Variants in DLG2 observed in about 807,000 individuals in gnomAD.
The protein encoded by DLG2 is disks large homolog 2.
Under a neutral mutation model 132.5 loss-of-function variants are expected in DLG2, and 45 were observed. The ratio of observed to expected loss-of-function variants is 0.34; its 90% confidence interval spans 0.27 to 0.44. DLG2 has a LOEUF of 0.44. DLG2 is among the 20% of genes least tolerant of loss of function. The pLI is 1.00. For missense variants in DLG2, 1,045 were observed against 1,196.9 expected, an observed-to-expected ratio of 0.87 and a Z score of 1.87; for synonymous variants, 424 against 419.6, an observed-to-expected ratio of 1.01 and a Z score of -0.13.
intron 4 of DLG2, among the ~76,000 whole-genome samples, chr11:85,173,395 A>G (rs1428241650): frequency 6.6e-6 from 1 of 152,208 alleles, no homozygotes; most frequent in East Asian, 1.9e-4. Flanking sequence ...TGAAGGAGAA[A>G]TAAGATTCTT....
At chr11:84,132,446 T>C (rs182589483) in intron 9 of DLG2, among the ~76,000 whole-genome samples, 1 of 152,082 alleles carries the variant, frequency 6.6e-6, no homozygotes, top group African/African-American at 2.4e-5. Context: ...ACCTTCTCAG[T>C]TGGCAATGAT....
chr11:84,012,351 C>T lies in DLG2; in HGVS notation c.920-31709G>A, dbSNP rs151315553. Among the ~76,000 whole-genome samples the T allele has an allele frequency of 2.7e-3, 416 of 152,224 alleles. 1 individual carries two copies. Among genetic ancestry groups the T allele is most frequent in the African/African-American group, 9.5e-3 (396 of 41,552 alleles). On this transcript the variant is annotated intron_variant, in intron 11 of 27. Transcript: ENST00000376104. ...TTGGCAAGAAACGCACAGAGTAGGA[C>T]AGAAGCAGGGAGTCAAGCTACTCTT...
At chr11:84,932,598 A>G (rs2048229807) in intron 6 of DLG2, among the ~76,000 whole-genome samples, 1 of 152,076 alleles carries the variant, frequency 6.6e-6, no homozygotes, top group Non-Finnish European at 1.5e-5. Flanking sequence ...CTTATGAGTG[A>G]GAACATGCAG....
At chr11:84,919,459 G>A (rs1467151743) in intron 6 of DLG2, among the ~76,000 whole-genome samples, 2 of 152,106 alleles carry the variant, frequency 1.3e-5, no homozygotes. Flanking sequence ...AAATAAAGGA[G>A]CAGAATTCTT....
Position 83,646,629 on chromosome 11 carries a change from G to A in DLG2, c.1826-13304C>T, listed in dbSNP as rs139692235. 147 of 152,276 alleles carry A rather than the reference G, an allele frequency of 9.7e-4. 1 individual carries two copies. Among genetic ancestry groups the A allele is most frequent in the South Asian group, 8.5e-3 (41 of 4,812 alleles). The allele number at this position is 152,276 out of a possible 1,614,324, so 9.4% of individuals were successfully genotyped here. ...CCTCTGGATCTTTTCTGGTTCCTTCGCTCCTAGAACTGTGTCTGATGGCTT... is the reference window on the plus strand; with the variant it reads ...CCTCTGGATCTTTTCTGGTTCCTTCACTCCTAGAACTGTGTCTGATGGCTT... On this transcript the variant is annotated intron_variant, in intron 18 of 27. Transcript: ENST00000376104.
intron 8 of DLG2, among the ~76,000 whole-genome samples, chr11:84,207,982 C>T (rs117100400): frequency 0.011 from 1,655 of 152,212 alleles, 80 homozygotes; most frequent in Admixed American, 0.084. Context: ...ACCTGAGTAA[C>T]TTTAGAAAAC....
intron 21 of DLG2, among the ~76,000 whole-genome samples, chr11:83,490,664 C>A (rs1220810846): frequency 6.6e-6 from 1 of 151,998 alleles, no homozygotes; most frequent in East Asian, 1.9e-4. Flanking sequence ...AAATTAGCAT[C>A]GCCAAATTGT....
intron 18 of DLG2, among the ~76,000 whole-genome samples, chr11:83,654,679 G>C (rs544408593): frequency 1.3e-5 from 2 of 152,302 alleles, no homozygotes; most frequent in African/African-American, 4.8e-5. Context: ...AGCTATTGCT[G>C]TAACATCTAA....
chr11:84,036,050 A>G (rs1317863281), intron 11 of DLG2, among the ~76,000 whole-genome samples: 1 of 152,158 alleles, frequency 6.6e-6, no homozygotes, highest in Non-Finnish European at 1.5e-5. Context: ...CACATCAAAG[A>G]TGATATTAAA....
chr11:84,226,567 G>C (rs2096997868), intron 8 of DLG2, among the ~76,000 whole-genome samples: 1 of 152,148 alleles, frequency 6.6e-6, no homozygotes, highest in African/African-American at 2.4e-5. Context: ...AATAACATAT[G>C]CATTGTACAG....
At chr11:85,362,724 C>A (rs746121124) in intron 3 of DLG2, among the ~76,000 whole-genome samples, 2 of 151,102 alleles carry the variant, frequency 1.3e-5, no homozygotes, top group Non-Finnish European at 1.5e-5. Flanking sequence ...GAAATTATTC[C>A]TTTTTTATCT....
At chr11:84,593,823 A>T (rs1168756412) in intron 6 of DLG2, among the ~76,000 whole-genome samples, 1 of 152,224 alleles carries the variant, frequency 6.6e-6, no homozygotes, top group Non-Finnish European at 1.5e-5. Context: ...AAGAAAAAAG[A>T]GATTCTCTCT....
At chr11:84,839,841 G>A (rs1374415516) in intron 6 of DLG2, among the ~76,000 whole-genome samples, 4 of 151,844 alleles carry the variant, frequency 2.6e-5, no homozygotes, top group African/African-American at 9.7e-5. Context: ...AAATTAATTC[G>A]AGATAGATTA....
At chr11:83,994,223 C>T (rs1384423065) in intron 11 of DLG2, among the ~76,000 whole-genome samples, 1 of 152,148 alleles carries the variant, frequency 6.6e-6, no homozygotes, top group Non-Finnish European at 1.5e-5. Flanking sequence ...TGAACACCAA[C>T]TAATCACAAT....
At chr11:84,367,835 C>T (rs1269653871) in intron 7 of DLG2, among the ~76,000 whole-genome samples, 1 of 152,076 alleles carries the variant, frequency 6.6e-6, no homozygotes, top group African/African-American at 2.4e-5. Flanking sequence ...TATCAATTAT[C>T]CAGTCTCAGA....
At chr11:84,296,154 G>A (rs1004181538) in intron 7 of DLG2, among the ~76,000 whole-genome samples, 2 of 151,890 alleles carry the variant, frequency 1.3e-5, no homozygotes, top group African/African-American at 4.8e-5. Flanking sequence ...TCTTAAAATC[G>A]AACTGAAATT....
At chr11:84,669,024 T>C (rs1176324896) in intron 6 of DLG2, among the ~76,000 whole-genome samples, 4 of 152,134 alleles carry the variant, frequency 2.6e-5, no homozygotes, top group African/African-American at 9.7e-5. Flanking sequence ...ATAGTATATC[T>C]GGTCTTGAGA....
chr11:85,052,320 C>G (rs1021257585), intron 6 of DLG2, among the ~76,000 whole-genome samples: 1 of 152,162 alleles, frequency 6.6e-6, no homozygotes. Flanking sequence ...AAACTGAATT[C>G]TTACTACTCA....
intron 3 of DLG2, among the ~76,000 whole-genome samples, chr11:85,373,504 G>C (rs1421850418): frequency 1.3e-5 from 2 of 152,130 alleles, no homozygotes; most frequent in African/African-American, 4.8e-5. Context: ...TTTGGAGGCA[G>C]GAATGAGATA....
Sources: gnomAD v4.1 joint callset for allele counts (sites outside exome capture counted in the v4.1 genomes callset) on GRCh38, gnomAD v4.1.1 for gene constraint, MANE v1.5 for transcripts, NCBI Gene and HGNC (gene_info 2026-07-23, HGNC 2026-07-21) for gene names.